Variants in FAM193A observed in about 807,000 individuals in gnomAD.
The protein encoded by FAM193A is protein FAM193A.
In FAM193A, 22 loss-of-function variants were observed where a neutral mutation model predicts 126.5. The observed-to-expected ratio is 0.17, with a 90% CI of 0.12 to 0.25. The LOEUF (loss-of-function observed/expected upper bound fraction) is 0.25, where lower values mean the gene tolerates loss of function less well. Among genes scored for constraint, FAM193A ranks in the 10% least tolerant of loss-of-function variants. The probability of loss-of-function intolerance (pLI) is 1.00; values close to 1 mark genes in which losing one functional copy is unlikely to be tolerated. For missense variants in FAM193A, 1,675 were observed against 1,672.8 expected (o/e 1.00, Z -0.02); for synonymous variants, 761 against 646.8 (o/e 1.18, Z -2.68).
rs139480127 is a variant in FAM193A, at chr4:2,554,634, T to G, written c.255+17464T>G. Among the ~76,000 whole-genome samples, 14 of 152,278 alleles carry G rather than the reference T, an allele frequency of 9.2e-5. No homozygotes were observed. The East Asian group carries it at 2.7e-3, about 29-fold the overall frequency. On this transcript the variant is annotated intron_variant, in intron 1 of 20. Transcript: ENST00000637812. ...GTTCGCTTCTGTATTCTTGCTGAGT[T>G]TTTGTCTACTAGTTCTTTTGATTGC...
intron 7 of FAM193A, among the ~76,000 whole-genome samples, chr4:2,653,301 AAAT>A (rs1234326857): frequency 1.1e-4 from 16 of 152,232 alleles, no homozygotes; most frequent in Admixed American, 9.8e-4. Flanking sequence ...ATATATGTAA[AAAT>A]AACACATACA....
intron 19 of FAM193A, among the ~76,000 whole-genome samples, chr4:2,703,801 TAA>T (rs34569439): frequency 6.0e-4 from 78 of 129,064 alleles, no homozygotes; most frequent in African/African-American, 1.4e-3. Context: ...CCATCTCTAC[TAA>T]AAAAAAAAAA....
At chr4:2,590,134 C>CA (rs373845579) in intron 1 of FAM193A, among the ~76,000 whole-genome samples, 31,746 of 106,138 alleles carry the variant, frequency 0.3, 4,300 homozygotes, top group Middle Eastern at 0.43. Flanking sequence ...GACTCTGTCT[C>CA]AAAAAAAAAA....
chr4:2,577,409 T>G (rs1271446607), intron 1 of FAM193A, among the ~76,000 whole-genome samples: 2 of 141,402 alleles, frequency 1.4e-5, no homozygotes, highest in Non-Finnish European at 3.0e-5. Context: ...TCAATTAAAG[T>G]GGTTTTTTTT....
intron 1 of FAM193A, among the ~76,000 whole-genome samples, chr4:2,546,870 C>A (rs960248024): frequency 2.6e-5 from 4 of 152,176 alleles, no homozygotes; most frequent in African/African-American, 9.7e-5. Context: ...TGCCTACTCA[C>A]GCAATGTCTG....
chr4:2,684,922 G>A (rs890820151), intron 13 of FAM193A, among the ~76,000 whole-genome samples: 2 of 152,196 alleles, frequency 1.3e-5, no homozygotes, highest in Non-Finnish European at 2.9e-5. Flanking sequence ...GAGCAAAGCC[G>A]AGCAGGTGCG....
Position 2,693,685 on chromosome 4 carries a change from C to T in FAM193A, c.2903C>T (p.Ser968Leu), listed in dbSNP as rs767754109. Reference protein sequence around the residue: ...PTGLAPLPALSPAALSPAALS... With the variant: ...PTGLAPLPALLPAALSPAALS... ...GGCTTGGCCCCCCTCCCAGCGCTCTCGCCTGCTGCGCTGTCACCTGCTGCG... is the reference window on the plus strand; with the variant it reads ...GGCTTGGCCCCCCTCCCAGCGCTCTTGCCTGCTGCGCTGTCACCTGCTGCG... Residue 968 changes from serine (S) to leucine (L), a missense_variant, in exon 16 of 21, where the codon TCG becomes TTG. By Grantham distance (145) the Ser-to-Leu change is moderately radical (BLOSUM62 -2). Transcript: ENST00000637812. The T allele has an allele frequency of 2.9e-5, 47 of 1,614,228 alleles. No individual in the cohort carries two copies. The highest frequency in any genetic ancestry group is 2.1e-4 in the South Asian group (19 of 91,086).
chr4:2,542,521 C>T (rs936079565), intron 1 of FAM193A, among the ~76,000 whole-genome samples: 1 of 152,170 alleles, frequency 6.6e-6, no homozygotes, highest in South Asian at 2.1e-4. Context: ...ATTAAAGAAA[C>T]TCTTTATGGT....
intron 1 of FAM193A, among the ~76,000 whole-genome samples, chr4:2,556,040 G>T (rs1317575900): frequency 6.6e-6 from 1 of 151,886 alleles, no homozygotes; most frequent in Admixed American, 6.6e-5. Flanking sequence ...GGGATTACAG[G>T]CATGTGCCAC....
At chr4:2,686,390 T>C (rs1715743703) in intron 13 of FAM193A, among the ~76,000 whole-genome samples, 1 of 152,206 alleles carries the variant, frequency 6.6e-6, no homozygotes, top group Non-Finnish European at 1.5e-5. Flanking sequence ...TGCTAGACTC[T>C]AGGAAGACAA....
chr4:2,542,749 A>G (rs971252857), intron 1 of FAM193A, among the ~76,000 whole-genome samples: 1 of 152,182 alleles, frequency 6.6e-6, no homozygotes, highest in African/African-American at 2.4e-5. Context: ...TACACTCCGT[A>G]GTCACCAGGC....
chr4:2,615,301 G>A (rs914021206), intron 2 of FAM193A: 1 of 152,030 alleles, frequency 6.6e-6, no homozygotes, highest in Non-Finnish European at 1.5e-5. Flanking sequence ...CATTTTATTT[G>A]AGACCTTTCT....
intron 13 of FAM193A, among the ~76,000 whole-genome samples, chr4:2,675,588 T>A (rs1714307691): frequency 6.6e-6 from 1 of 152,250 alleles, no homozygotes; most frequent in African/African-American, 2.4e-5. Flanking sequence ...TGGTTAGTGC[T>A]AGCATGGTAT....
chr4:2,613,937 G>A (rs1305580398), intron 2 of FAM193A, among the ~76,000 whole-genome samples: 1 of 151,682 alleles, frequency 6.6e-6, no homozygotes, highest in Non-Finnish European at 1.5e-5. Flanking sequence ...ACCATGCCCA[G>A]CTAATTTTTG....
At chr4:2,731,625 A>G (rs1721405405) in intron 20 of FAM193A, 150 bp from the exon 21 acceptor site, 1 of 615,686 alleles carries the variant, frequency 1.6e-6, no homozygotes. Context: ...CCTGGAGGGG[A>G]CCCTTGACAC....
chr4:2,552,379 G>A (rs1737984035), intron 1 of FAM193A, among the ~76,000 whole-genome samples: 1 of 151,106 alleles, frequency 6.6e-6, no homozygotes, highest in African/African-American at 2.4e-5. Flanking sequence ...TTTAACTCCT[G>A]AGTTTAAGCA....
At chr4:2,669,535 G>C (rs1448453570) in intron 12 of FAM193A, among the ~76,000 whole-genome samples, 2 of 152,182 alleles carry the variant, frequency 1.3e-5, no homozygotes, top group Non-Finnish European at 2.9e-5. Flanking sequence ...CTTGAACCCG[G>C]GAGGCAGAGG....
chr4:2,686,000 C>T (rs1030893500), intron 13 of FAM193A, among the ~76,000 whole-genome samples: 3 of 152,090 alleles, frequency 2.0e-5, no homozygotes, highest in South Asian at 2.1e-4. Context: ...GATTCAATAG[C>T]GTAGTCCACG....
At chr4:2,567,323 A>G (rs1739028881) in intron 1 of FAM193A, among the ~76,000 whole-genome samples, 1 of 152,158 alleles carries the variant, frequency 6.6e-6, no homozygotes, top group Admixed American at 6.6e-5. Flanking sequence ...ATTGAAAACC[A>G]GTTTTCATAA....
Sources: allele counts gnomAD v4.1 joint callset (sites outside exome capture counted in the v4.1 genomes callset), GRCh38; gene constraint gnomAD v4.1.1; transcripts MANE v1.5; gene names NCBI Gene and HGNC (gene_info 2026-07-23, HGNC 2026-07-21).